The following HOOK2 variants were observed in gnomAD, a reference collection of about 807,000 sequenced individuals.
HOOK2 encodes protein Hook homolog 2.
In HOOK2, 108 loss-of-function variants were observed where a neutral mutation model predicts 111.9. That is an observed-to-expected ratio of 0.96 (90% CI 0.83 to 1.13). HOOK2 has a LOEUF of 1.13. HOOK2 is among the 50% of genes most tolerant of loss of function. The pLI is 0.00. For synonymous variants in HOOK2, 405 were observed against 394.3 expected, an observed-to-expected ratio of 1.03 and a Z score of -0.32; for missense variants, 978 against 951.3, an observed-to-expected ratio of 1.03 and a Z score of -0.37.
intron 3 of HOOK2, among the ~76,000 whole-genome samples, chr19:12,785,834 C>T (rs1158380164): frequency 6.6e-6 from 1 of 152,190 alleles, no homozygotes; most frequent in Admixed American, 6.5e-5. Flanking sequence ...CACTTCCTCT[C>T]TCCAAACATC....
intron 11 of HOOK2, among the ~76,000 whole-genome samples, chr19:12,768,325 C>T (rs1162735009): frequency 7.2e-5 from 11 of 152,176 alleles, no homozygotes; most frequent in South Asian, 2.1e-4. Context: ...AAACTCCTGG[C>T]CTCAAGCAGT....
At chr19:12,765,524 G>C in intron 18 of HOOK2, 166 bp downstream of exon 18, 1 of 916,726 alleles carries the variant, frequency 1.1e-6, no homozygotes, top group Non-Finnish European at 1.7e-6. Context: ...AAAGCGGGTG[G>C]ATCATCTGGG....
intron 20 of HOOK2, chr19:12,764,479 A>G (rs181595938): frequency 6.5e-4 from 154 of 235,928 alleles, no homozygotes; most frequent in Non-Finnish European, 9.9e-4. Context: ...ACAGGCACCC[A>G]CCACCATGCC....
intron 18 of HOOK2, chr19:12,765,432 C>T (rs1021311896): frequency 1.0e-5 from 6 of 594,334 alleles, no homozygotes; most frequent in African/African-American, 5.6e-5. Context: ...ATACAAATCT[C>T]TTCAATAGCA....
At chr19:12,772,547 C>T in intron 6 of HOOK2, 66 bp downstream of exon 6, 1 of 1,547,376 alleles carries the variant, frequency 6.5e-7, no homozygotes. Context: ...GTGCCCAGTT[C>T]TCTCTGCCCT....
At chr19:12,765,605 C>CA in intron 18 of HOOK2, 85 bp downstream of exon 18, 1 of 1,508,714 alleles carries the variant, frequency 6.6e-7, no homozygotes. Flanking sequence ...AAAAATCAGC[C>CA]AGGCATGGTG....
upstream of HOOK2, among the ~76,000 whole-genome samples, chr19:12,777,955 T>A (rs548080050): frequency 1.3e-3 from 192 of 152,390 alleles, no homozygotes; most frequent in Non-Finnish European, 2.3e-3. Flanking sequence ...TGTCTCCAGA[T>A]GGCAAGTGCT....
At chr19:12,770,359 A>C (rs1968281972) in intron 10 of HOOK2, among the ~76,000 whole-genome samples, 4 of 151,490 alleles carry the variant, frequency 2.6e-5, no homozygotes, top group South Asian at 4.2e-4. Context: ...TGGGGAGCCT[A>C]GAGAGGTCTG....
In HOOK2 at chr19:12,772,905, G is replaced by A. The variant is rs765895313; in HGVS notation, c.263C>T (p.Ala88Val). Residue 88 changes from alanine (A) to valine (V), a missense_variant, in exon 5 of 23, where the codon GCG becomes GTG. Physicochemically the swap from Ala to Val is moderately conservative, Grantham distance 64. This residue lies in a region of HOOK2 where 301 missense variants were observed against 286.1 expected (regional missense o/e 1.05). Coordinates refer to ENST00000397668, the MANE Select transcript of HOOK2 (RefSeq NM_013312.3). ...GAGATGCTCTTCTGACACAGGATGC[G>A]CCAGGACCTGGGGAGAAGGGGGTGT... ...SLVEYSQDVL[A>V]HPVSEEHLPD... 141 of 1,614,060 alleles carry A rather than the reference G, an allele frequency of 8.7e-5. No homozygotes were observed. Among genetic ancestry groups the A allele is most frequent in the Middle Eastern group, 1.6e-4 (1 of 6,084 alleles).
In HOOK2 at chr19:12,771,033, G is replaced by C. The variant is rs749088672; in HGVS notation, c.801C>G (p.Ala267=). The change falls in exon 10 of 23, where the codon GCC becomes GCG. Residue 267 remains alanine (A), a synonymous_variant. Coordinates refer to ENST00000397668, the MANE Select transcript of HOOK2 (RefSeq NM_013312.3). ...GCTCCGCAACCTCCCTCTCCAGCTC[G>C]GCACAGCGCAGGCGCTCATCCTCCC... ...SGREDERLRC[A]ELEREVAELQ... is the part of the protein sequence containing the mutation. 12 of 1,612,830 alleles carry C rather than the reference G, an allele frequency of 7.4e-6. No individual in the cohort carries two copies. Among genetic ancestry groups the C allele is most frequent in the Admixed American group, 1.7e-5 (1 of 59,922 alleles).
intron 3 of HOOK2, chr19:12,787,195 C>T (rs986238152): frequency 6.6e-6 from 1 of 152,370 alleles, no homozygotes; most frequent in Non-Finnish European, 1.5e-5. Flanking sequence ...AGTCCAGTGT[C>T]AAGATCATGG....
intron 6 of HOOK2, 49 bp downstream of exon 6, chr19:12,772,563 TG>T: frequency 6.3e-7 from 1 of 1,590,796 alleles, no homozygotes; most frequent in Non-Finnish European, 8.6e-7. Flanking sequence ...GCCCTAGAGA[TG>T]TCCCCTCTCC....
At chr19:12,774,583 C>T (rs1968436476) in intron 3 of HOOK2, 86 bp downstream of exon 3, 2 of 1,237,394 alleles carry the variant, frequency 1.6e-6, no homozygotes, top group Non-Finnish European at 2.4e-6. Flanking sequence ...CCTCTTCCTG[C>T]CCATCACCCA....
At position 12,789,856 on chromosome 19, in the gene HOOK2, G is replaced by A. The variant is rs1457209407; in HGVS notation, n.42-15631C>T. Among the ~76,000 whole-genome samples the A allele has an allele frequency of 2.6e-5, 4 of 152,120 alleles. No individual in the cohort carries two copies. The East Asian group carries it at 7.8e-4, about 30-fold the overall frequency. On this transcript the variant is annotated intron_variant and non_coding_transcript_variant, in intron 3 of 3. Transcript: ENST00000589765. ...GCTGGTCGGGACTAGCAGTCTGGGG[G>A]CCCAGGCGCGCCCTGGGACCTGGCA...
rs774218405 is a variant in HOOK2, at chr19:12,763,658, G to A, written c.1938+10C>T. On this transcript the variant is annotated intron_variant, in intron 21 of 22. Coordinates refer to ENST00000397668, the MANE Select transcript of HOOK2 (RefSeq NM_013312.3). The stretch of plus-strand genomic sequence containing the variant: ...CGTTGGAGGCAGCGTAAAGGGACGA[G>A]GACACCCACCTCCAGGTGTCGGATG... 6.2e-7 allele frequency: 1 copy of A among 1,614,022 alleles called. No homozygotes were observed. The highest frequency in any genetic ancestry group is 8.5e-7 in the Non-Finnish European group (1 of 1,179,854).
At chr19:12,766,393 C>G in intron 14 of HOOK2, 153 bp from the exon 15 acceptor site, 1 of 948,606 alleles carries the variant, frequency 1.1e-6, no homozygotes, top group Non-Finnish European at 1.5e-6. Flanking sequence ...ACTACGGGTT[C>G]AGGTTCCCGG....
chr19:12,785,455 A>G (rs910050819), intron 3 of HOOK2, among the ~76,000 whole-genome samples: 1 of 151,970 alleles, frequency 6.6e-6, no homozygotes, highest in Non-Finnish European at 1.5e-5. Flanking sequence ...ATACACACAT[A>G]CAGACCAGCC....
intron 14 of HOOK2, among the ~76,000 whole-genome samples, chr19:12,767,005 G>A (rs375039722): frequency 1.3e-5 from 2 of 152,170 alleles, no homozygotes; most frequent in African/African-American, 4.8e-5. Context: ...CTGGGACTTA[G>A]AGGCATGATC....
intron 3 of HOOK2, among the ~76,000 whole-genome samples, chr19:12,787,500 C>T (rs761280103): frequency 6.6e-6 from 1 of 151,810 alleles, no homozygotes; most frequent in Non-Finnish European, 1.5e-5. Flanking sequence ...GGCGTGGTGG[C>T]ATGCGCCTGT....
Sources: allele counts gnomAD v4.1 joint callset (sites outside exome capture counted in the v4.1 genomes callset), GRCh38; gene constraint gnomAD v4.1.1; regional missense constraint gnomAD v4.1.1; transcripts MANE v1.5; gene names NCBI Gene and HGNC (gene_info 2026-07-23, HGNC 2026-07-21).